ARPC1A: variants seen among roughly 807,000 people sequenced by gnomAD.
The protein encoded by ARPC1A is actin-related protein 2/3 complex subunit 1A.
In ARPC1A, 8 loss-of-function variants were observed where a neutral mutation model predicts 46.9. That is an observed-to-expected ratio of 0.17 (90% confidence interval 0.10 to 0.31). ARPC1A has a LOEUF of 0.31. ARPC1A is among the 10% of genes least tolerant of loss of function. The pLI is 1.00. For missense variants in ARPC1A, 286 were observed against 483.6 expected (o/e 0.59, Z 3.83); for synonymous variants, 152 against 169.0 (o/e 0.90, Z 0.78).
chr7:99,359,465 G>A, intron 7 of ARPC1A, 80 bp from the exon 8 acceptor site: 1 of 1,320,460 alleles, frequency 7.6e-7, no homozygotes, highest in African/African-American at 1.5e-5. Flanking sequence ...AGTAAGAGAG[G>A]CCTGTCGTGG....
rs1022659513 is a variant in ARPC1A, at chr7:99,335,989, A to G, written c.65-2192A>G. Among the ~76,000 whole-genome samples, 3 of 151,884 alleles carry G rather than the reference A, an allele frequency of 2.0e-5. No homozygotes were observed. The East Asian group carries it at 5.8e-4, about 29-fold the overall frequency. On this transcript the variant is annotated intron_variant, in intron 2 of 9. Coordinates refer to ENST00000262942, the MANE Select transcript of ARPC1A (RefSeq NM_006409.4). Reference sequence around the variant, plus strand: ...AAAAAAAAAGCCTCTGTATTGGGTAATTGAAAATGTATAACCTAGCAGGAC... The same window carrying G: ...AAAAAAAAAGCCTCTGTATTGGGTAGTTGAAAATGTATAACCTAGCAGGAC...
chr7:99,329,558 A>G (rs1793109545), intron 1 of ARPC1A, among the ~76,000 whole-genome samples: 1 of 152,238 alleles, frequency 6.6e-6, no homozygotes. Context: ...TGCATTCTAA[A>G]TTTGACAAAC....
chr7:99,343,822 C>G (rs975176828), intron 3 of ARPC1A, among the ~76,000 whole-genome samples: 2 of 152,158 alleles, frequency 1.3e-5, no homozygotes, highest in African/African-American at 4.8e-5. Context: ...CCCCTCTTTA[C>G]ACTAAAGATT....
rs1395191113 is a variant in ARPC1A, at chr7:99,331,151, G to A, written c.-29-2174G>A. 7.9e-5 allele frequency among the ~76,000 whole-genome samples: 12 copies of A among 152,204 alleles called. No homozygotes were observed. In the East Asian group the frequency reaches 2.1e-3, roughly 27 times the overall value. ...TGGCTGGGCATGGTGACTCATGCCTGTAATCCCAGCACTTTGGGAGGCTGA... is the reference window on the plus strand; with the variant it reads ...TGGCTGGGCATGGTGACTCATGCCTATAATCCCAGCACTTTGGGAGGCTGA... On this transcript the variant is annotated intron_variant, in intron 1 of 9. Transcript: ENST00000262942.
chr7:99,337,386 A>G (rs1793273486), intron 2 of ARPC1A, among the ~76,000 whole-genome samples: 1 of 152,168 alleles, frequency 6.6e-6, no homozygotes, highest in African/African-American at 2.4e-5. Flanking sequence ...GCGCCATTGC[A>G]CTCCAGCCTG....
At chr7:99,358,473 A>C in intron 7 of ARPC1A, 58 bp downstream of exon 7, 1 of 1,458,908 alleles carries the variant, frequency 6.9e-7, no homozygotes, top group Non-Finnish European at 9.6e-7. Context: ...TCAGACAGGG[A>C]ACAATGTGTG....
chr7:99,353,845 T>TA, intron 5 of ARPC1A, 64 bp from the exon 6 acceptor site: 2 of 1,492,102 alleles, frequency 1.3e-6, no homozygotes, highest in South Asian at 2.4e-5. Flanking sequence ...CAGCTGCCTA[T>TA]GGCCTGTTTC....
chr7:99,341,609 CAAAAA>C (rs36066986), intron 3 of ARPC1A, among the ~76,000 whole-genome samples: 1 of 87,332 alleles, frequency 1.1e-5, no homozygotes, highest in Non-Finnish European at 3.0e-5. Flanking sequence ...AACTCTGTCT[CAAAAA>C]AAAAAAAAAA....
intron 5 of ARPC1A, 87 bp downstream of exon 5, chr7:99,349,046 G>A: frequency 7.4e-7 from 1 of 1,359,434 alleles, no homozygotes; most frequent in Non-Finnish European, 1.0e-6. Flanking sequence ...TTTGTTTTTT[G>A]TTTTGTTGTG....
intron 4 of ARPC1A, among the ~76,000 whole-genome samples, chr7:99,344,781 A>G (rs996436672): frequency 3.3e-5 from 5 of 150,498 alleles, no homozygotes; most frequent in African/African-American, 7.3e-5. Context: ...TTCTCACTCT[A>G]TACTGCGCAA....
At chr7:99,340,000 C>T in intron 3 of ARPC1A, 1 of 456,202 alleles carries the variant, frequency 2.2e-6, no homozygotes. Context: ...AAGGTTCATC[C>T]ATTGCTTCTG....
At chr7:99,340,135 G>A (rs1793333381) in intron 3 of ARPC1A, 1 of 410,028 alleles carries the variant, frequency 2.4e-6, no homozygotes, top group African/African-American at 2.3e-5. Flanking sequence ...TTGAGTTTTT[G>A]TCTTTTTTCT....
At chr7:99,342,829 TCTC>T (rs1270938982) in intron 3 of ARPC1A, among the ~76,000 whole-genome samples, 1 of 150,386 alleles carries the variant, frequency 6.6e-6, no homozygotes, top group African/African-American at 2.5e-5. Context: ...TTCACACCAT[TCTC>T]CTGCCTCAGC....
chr7:99,347,486 C>T (rs1467237705), intron 4 of ARPC1A, among the ~76,000 whole-genome samples: 1 of 151,954 alleles, frequency 6.6e-6, no homozygotes, highest in Admixed American at 6.6e-5. Context: ...AGGCAGATCA[C>T]CTGAGACCAG....
chr7:99,330,181 A>G (rs934536208), intron 1 of ARPC1A, among the ~76,000 whole-genome samples: 1 of 152,252 alleles, frequency 6.6e-6, no homozygotes, highest in African/African-American at 2.4e-5. Flanking sequence ...GTATAAAAGA[A>G]AAAAGTAATG....
chr7:99,349,031 C>G lies in ARPC1A; in HGVS notation c.500+72C>G, dbSNP rs1405126582. 3.3e-4 allele frequency: 479 copies of G among 1,439,368 alleles called. 4 individuals carry two copies. The highest frequency in any genetic ancestry group is 5.8e-6 in the Non-Finnish European group (6 of 1,033,526). The allele number at this position is 1,439,368 out of a possible 1,614,324, so 89.2% of individuals were successfully genotyped here. A position where few individuals can be genotyped will look rare whatever the true frequency, so the allele number is the denominator to read the frequency against. Reference sequence around the variant, plus strand: ...CCTTCAACAAATAATTTTAGGTTCTCTTTCTTTGTTTTTTGTTTTGTTGTG... The same window carrying G: ...CCTTCAACAAATAATTTTAGGTTCTGTTTCTTTGTTTTTTGTTTTGTTGTG... On this transcript the variant is annotated intron_variant, in intron 5 of 9. Transcript: ENST00000262942.
rs200755413 is a variant in ARPC1A at position 99,359,592 on chromosome 7, C to T, written c.837C>T (p.Cys279=). Residue 279 remains cysteine (C), a synonymous_variant, in exon 8 of 10, where the codon TGC becomes TGT. Transcript: ENST00000262942. ...TCTTTAACTACGATGACCGCGGCTG[C>T]CTGACCTTCGTCTCCAAGTTAGATA... ...PMLFNYDDRG[C]LTFVSKLDIP... is the part of the protein sequence containing the mutation. 1 of 1,614,154 alleles carries T rather than the reference C, an allele frequency of 6.2e-7. No homozygotes were observed. The highest frequency in any genetic ancestry group is 1.3e-5 in the African/African-American group (1 of 75,044).
chr7:99,333,852 T>C (rs1451499829), intron 2 of ARPC1A, among the ~76,000 whole-genome samples: 1 of 152,000 alleles, frequency 6.6e-6, no homozygotes, highest in Non-Finnish European at 1.5e-5. Context: ...TATGACAAGA[T>C]GAGGCTGGGT....
intron 4 of ARPC1A, among the ~76,000 whole-genome samples, chr7:99,348,465 G>A (rs1793497422): frequency 6.6e-6 from 1 of 152,140 alleles, no homozygotes; most frequent in African/African-American, 2.4e-5. Flanking sequence ...CCAGCACTTT[G>A]GGAGGCTGAG....
Sources: gnomAD v4.1 joint callset for allele counts (sites outside exome capture counted in the v4.1 genomes callset) on GRCh38, gnomAD v4.1.1 for gene constraint, MANE v1.5 for transcripts, NCBI Gene and HGNC (gene_info 2026-07-23, HGNC 2026-07-21) for gene names.